COL24A1: variants seen among roughly 807,000 people sequenced by gnomAD.
COL24A1 encodes the protein collagen type XXIV alpha 1 chain, also known as collagen alpha-1(XXIV) chain.
COL24A1 carries 224 observed loss-of-function variants against 253.9 expected under a neutral mutation model. The observed-to-expected ratio is 0.88, with a 90% CI of 0.79 to 0.99. The LOEUF (loss-of-function observed/expected upper bound fraction) is 0.99, where lower values mean the gene tolerates loss of function less well. COL24A1 is among the 50% of genes least tolerant of loss of function. The pLI, the probability that COL24A1 is intolerant of heterozygous loss-of-function variation, is 0.00. For synonymous variants in COL24A1, 685 were observed against 673.7 expected, an observed-to-expected ratio of 1.02 and a Z score of -0.26; for missense variants, 2,131 against 2,068.5, an observed-to-expected ratio of 1.03 and a Z score of -0.59.
chr1:86,056,585 G>T (rs901179643), intron 10 of COL24A1, among the ~76,000 whole-genome samples: 1 of 152,140 alleles, frequency 6.6e-6, no homozygotes, highest in African/African-American at 2.4e-5. Flanking sequence ...GCCGGGCCTG[G>T]TGGCTCACTC....
chr1:86,000,140 T>C (rs1184999807), intron 19 of COL24A1, among the ~76,000 whole-genome samples: 3 of 152,148 alleles, frequency 2.0e-5, no homozygotes, highest in Non-Finnish European at 4.4e-5. Flanking sequence ...TAATAAACAA[T>C]CTAATTCAAG....
chr1:85,830,583 G>A (rs1039751943), intron 43 of COL24A1, among the ~76,000 whole-genome samples: 1 of 152,118 alleles, frequency 6.6e-6, no homozygotes, highest in Non-Finnish European at 1.5e-5. Context: ...GACTCCGTGG[G>A]CATAGGACCC....
intron 53 of COL24A1, among the ~76,000 whole-genome samples, chr1:85,771,779 T>TTTATTTAC (rs1553170827): frequency 3.8e-4 from 3 of 7,878 alleles, no homozygotes; most frequent in African/African-American, 7.2e-4. Flanking sequence ...GCCTGACTTT[T>TTTATTTAC]TTATTTATTT....
At position 85,744,747 on chromosome 1, in the gene COL24A1, T is replaced by C. The variant is rs1665023674; in HGVS notation, c.4591A>G (p.Ile1531Val). The change falls in exon 57 of 60, where the codon ATC (isoleucine) becomes GTC (valine). Residue 1531 changes from isoleucine (I) to valine (V), a missense_variant. Coordinates refer to ENST00000370571, the MANE Select transcript of COL24A1 (RefSeq NM_152890.7). ...TCTCGTGTGCCAAGAGGATTCTTGA[T>C]GCTGTGCAATAAATTGCTAAGGTAG... ...LNYLSNLLHS[I>V]KNPLGTRDNP... 8.1e-6 allele frequency: 13 copies of C among 1,608,282 alleles called. No homozygotes were observed. The highest frequency in any genetic ancestry group is 1.1e-5 in the Non-Finnish European group (13 of 1,178,202).
intron 19 of COL24A1, among the ~76,000 whole-genome samples, chr1:85,997,055 G>GTATATATA (rs59071699): frequency 6.5e-4 from 62 of 95,116 alleles, no homozygotes; most frequent in Middle Eastern, 5.1e-3. Flanking sequence ...GTGTGTGTGT[G>GTATATATA]TATATATATA....
intron 2 of COL24A1, among the ~76,000 whole-genome samples, chr1:86,128,999 T>C (rs1045907126): frequency 5.3e-5 from 8 of 151,798 alleles, no homozygotes; most frequent in African/African-American, 1.9e-4. Flanking sequence ...CTAAAACAAT[T>C]TCAGTAACCT....
intron 1 of COL24A1, chr1:86,156,090 GC>G: frequency 2.6e-6 from 1 of 385,198 alleles, no homozygotes; most frequent in Non-Finnish European, 4.6e-6. Context: ...GCGCCAGCGA[GC>G]TTTTCCTCTC....
chr1:86,130,392 T>C (rs1209979185), intron 2 of COL24A1, among the ~76,000 whole-genome samples: 2 of 151,978 alleles, frequency 1.3e-5, no homozygotes, highest in Non-Finnish European at 2.9e-5. Flanking sequence ...TATTTTATGT[T>C]TTACCACTTT....
At position 85,969,604 on chromosome 1, in the gene COL24A1, CAAAAAAAAAAA is replaced by C. The variant is rs61128567; in HGVS notation, c.2463+612_2463+622del. Reference sequence around the variant, plus strand: ...TGGATGACAGAGTGAGACTCTGTCTCAAAAAAAAAAAAAAAAAAAAAAAAAAAAAAAGGAAG... The same window carrying C: ...TGGATGACAGAGTGAGACTCTGTCTCAAAAAAAAAAAAAAAAAAAAGGAAG... On this transcript the variant is annotated intron_variant, in intron 22 of 59. Coordinates refer to ENST00000370571, the MANE Select transcript of COL24A1 (RefSeq NM_152890.7). Among the ~76,000 whole-genome samples the C allele has an allele frequency of 4.0e-4, 11 of 27,476 alleles. No individual in the cohort carries two copies. In the South Asian group the frequency reaches 5.6e-3, roughly 14 times the overall value. 18.0% of individuals were successfully genotyped at this position (27,476 alleles called of 152,430 possible). A position where few individuals can be genotyped will look rare whatever the true frequency, so the allele number is the denominator to read the frequency against.
chr1:85,816,211 T>C (rs562843063), intron 47 of COL24A1, among the ~76,000 whole-genome samples: 1 of 152,312 alleles, frequency 6.6e-6, no homozygotes, highest in South Asian at 2.1e-4. Context: ...ACACATATTA[T>C]AGACATGGAT....
chr1:85,922,636 A>G (rs1686650826), intron 24 of COL24A1, among the ~76,000 whole-genome samples: 1 of 152,202 alleles, frequency 6.6e-6, no homozygotes, highest in South Asian at 2.1e-4. Flanking sequence ...TTTTGTCACC[A>G]CCAGGCCTGT....
intron 55 of COL24A1, among the ~76,000 whole-genome samples, chr1:85,759,768 G>C (rs1213258915): frequency 6.6e-6 from 1 of 152,102 alleles, no homozygotes; most frequent in African/African-American, 2.4e-5. Context: ...ACTCTATTTT[G>C]GCTGTGTAGG....
intron 2 of COL24A1, 143 bp from the exon 3 acceptor site, chr1:86,126,357 G>T: frequency 1.4e-6 from 1 of 705,474 alleles, no homozygotes; most frequent in African/African-American, 1.8e-5. Context: ...ACTAATTATG[G>T]GTAATAAGAA....
At chr1:85,864,801 A>G (rs1679596694) in intron 37 of COL24A1, among the ~76,000 whole-genome samples, 1 of 152,202 alleles carries the variant, frequency 6.6e-6, no homozygotes, top group Non-Finnish European at 1.5e-5. Context: ...TTTGTCCTAA[A>G]CATATAAAAC....
chr1:85,934,297 T>C (rs1293276518), intron 24 of COL24A1, among the ~76,000 whole-genome samples: 1 of 152,170 alleles, frequency 6.6e-6, no homozygotes, highest in Non-Finnish European at 1.5e-5. Flanking sequence ...GACTGCACAC[T>C]TCAGATGGAG....
At position 86,098,790 on chromosome 1, in the gene COL24A1, T is replaced by C. The variant is rs1265101551; in HGVS notation, c.1600-6470A>G. On this transcript the variant is annotated intron_variant, in intron 5 of 59. Transcript: ENST00000370571. Reference sequence around the variant, plus strand: ...AGGTGATGAACCAGTTATTTAACTATCTACAGAATAAAAATGAACAGTCTT... The same window carrying C: ...AGGTGATGAACCAGTTATTTAACTACCTACAGAATAAAAATGAACAGTCTT... Among the ~76,000 whole-genome samples, 6 of 152,280 alleles carry C rather than the reference T, an allele frequency of 3.9e-5. No homozygotes were observed. In the East Asian group the frequency reaches 1.2e-3, roughly 29 times the overall value.
At chr1:86,104,112 C>T (rs1425766945) in intron 5 of COL24A1, among the ~76,000 whole-genome samples, 3 of 152,112 alleles carry the variant, frequency 2.0e-5, no homozygotes, top group African/African-American at 7.2e-5. Flanking sequence ...CCTTGTCTGA[C>T]TGTCTTATTT....
At chr1:85,990,757 A>C (rs1239568293) in intron 19 of COL24A1, among the ~76,000 whole-genome samples, 1 of 152,222 alleles carries the variant, frequency 6.6e-6, no homozygotes, top group Admixed American at 6.5e-5. Context: ...TAAGAACTAC[A>C]ATGGATTGAA....
At chr1:86,109,871 G>A (rs934743066) in intron 5 of COL24A1, among the ~76,000 whole-genome samples, 13 of 152,170 alleles carry the variant, frequency 8.5e-5, no homozygotes, top group Non-Finnish European at 1.5e-5. Flanking sequence ...GTATAAATGG[G>A]ATTAGTGCCC....
Sources: allele counts gnomAD v4.1 joint callset (sites outside exome capture counted in the v4.1 genomes callset), GRCh38; gene constraint gnomAD v4.1.1; transcripts MANE v1.5; gene names NCBI Gene and HGNC (gene_info 2026-07-23, HGNC 2026-07-21).